The following GRIK1 variants were observed in gnomAD, a reference collection of about 807,000 sequenced individuals.
The protein encoded by GRIK1 is glutamate receptor ionotropic, kainate 1.
Under a neutral mutation model 105.7 loss-of-function variants are expected in GRIK1, and 69 were observed. The ratio of observed to expected loss-of-function variants is 0.65; its 90% CI spans 0.54 to 0.80. The LOEUF (loss-of-function observed/expected upper bound fraction) is 0.80, where lower values mean the gene tolerates loss of function less well. GRIK1 is among the 30% of genes least tolerant of loss of function. The pLI, the probability that GRIK1 is intolerant of heterozygous loss-of-function variation, is 0.00. For synonymous variants in GRIK1, 438 were observed against 431.3 expected, an observed-to-expected ratio of 1.02 and a Z score of -0.19; for missense variants, 1,109 against 1,167.3, an observed-to-expected ratio of 0.95 and a Z score of 0.73.
chr21:29,896,970 A>C (rs1352839393), intron 1 of GRIK1, among the ~76,000 whole-genome samples: 2 of 152,190 alleles, frequency 1.3e-5, no homozygotes, highest in South Asian at 2.1e-4. Flanking sequence ...GGGTTCCAAA[A>C]GGTGAGGCAA....
chr21:29,814,247 A>C (rs1488977363), intron 1 of GRIK1, among the ~76,000 whole-genome samples: 1 of 151,404 alleles, frequency 6.6e-6, no homozygotes, highest in African/African-American at 2.4e-5. Context: ...CACCGTGCCC[A>C]GCTCCCAAGA....
At chr21:29,745,223 G>T (rs775959511) in intron 1 of GRIK1, among the ~76,000 whole-genome samples, 1 of 152,126 alleles carries the variant, frequency 6.6e-6, no homozygotes, top group African/African-American at 2.4e-5. Context: ...AACTGCAACC[G>T]AGATCCTCAG....
At chr21:29,609,142 GATA>G (rs1272853504) in intron 7 of GRIK1, among the ~76,000 whole-genome samples, 59 of 149,648 alleles carry the variant, frequency 3.9e-4, no homozygotes, top group Non-Finnish European at 6.7e-4. Context: ...TAAATAATAA[GATA>G]ATAATATATT....
At chr21:29,553,532 CTTT>C (rs112669361) in intron 16 of GRIK1, 275 of 1,318,586 alleles carry the variant, frequency 2.1e-4, no homozygotes, top group South Asian at 7.6e-4. Flanking sequence ...CTGGGCACAT[CTTT>C]TTTTTTTTTT....
intron 7 of GRIK1, among the ~76,000 whole-genome samples, chr21:29,617,376 G>A (rs1050693465): frequency 6.6e-6 from 1 of 152,148 alleles, no homozygotes; most frequent in Non-Finnish European, 1.5e-5. Flanking sequence ...TTAAGTTCTT[G>A]CCATGGATTG....
intron 3 of GRIK1, among the ~76,000 whole-genome samples, chr21:29,680,877 G>A (rs946838705): frequency 2.0e-5 from 3 of 152,202 alleles, no homozygotes; most frequent in African/African-American, 7.2e-5. Flanking sequence ...GCTCATGCCT[G>A]TAATCCCAGC....
At chr21:29,817,760 A>G (rs2067192739) in intron 1 of GRIK1, among the ~76,000 whole-genome samples, 1 of 152,154 alleles carries the variant, frequency 6.6e-6, no homozygotes, top group African/African-American at 2.4e-5. Flanking sequence ...TTGCTTTTGC[A>G]AATCGCTGGT....
intron 1 of GRIK1, among the ~76,000 whole-genome samples, chr21:29,766,320 A>T (rs774435917): frequency 3.9e-5 from 6 of 152,270 alleles, no homozygotes; most frequent in East Asian, 1.9e-4. Flanking sequence ...TTATCTGAAG[A>T]CATTTTTGAT....
intron 1 of GRIK1, among the ~76,000 whole-genome samples, chr21:29,879,215 G>A (rs897348081): frequency 6.6e-6 from 1 of 152,088 alleles, no homozygotes; most frequent in African/African-American, 2.4e-5. Context: ...AACAATAGCG[G>A]GGAAGCTATT....
intron 15 of GRIK1, 50 bp from the exon 16 acceptor site, chr21:29,555,352 A>T: frequency 6.6e-7 from 1 of 1,507,282 alleles, no homozygotes; most frequent in Non-Finnish European, 9.1e-7. Flanking sequence ...TGAAGAAGAC[A>T]TCCAGAAGTA....
At chr21:29,820,931 C>T (rs1434426728) in intron 1 of GRIK1, among the ~76,000 whole-genome samples, 2 of 151,812 alleles carry the variant, frequency 1.3e-5, no homozygotes, top group Non-Finnish European at 1.5e-5. Flanking sequence ...AGAATAATAA[C>T]CATAATTCCT....
At chr21:29,835,401 T>A (rs402280) in intron 1 of GRIK1, among the ~76,000 whole-genome samples, 91,581 of 151,968 alleles carry the variant, frequency 0.6, 27,879 homozygotes, top group East Asian at 0.76. Flanking sequence ...CTAACATAAC[T>A]GGTCTTGTTT....
chr21:29,714,137 A>G (rs143153701), intron 1 of GRIK1, among the ~76,000 whole-genome samples: 32 of 152,316 alleles, frequency 2.1e-4, no homozygotes, highest in Non-Finnish European at 4.4e-4. Context: ...TTATAATTCC[A>G]TAATATATGT....
At chr21:29,897,826 A>G (rs533285617) in intron 1 of GRIK1, among the ~76,000 whole-genome samples, 1 of 152,368 alleles carries the variant, frequency 6.6e-6, no homozygotes, top group East Asian at 1.9e-4. Flanking sequence ...TGAAGCACAA[A>G]TGATATATGT....
chr21:29,847,459 G>T (rs1452540831), intron 1 of GRIK1, among the ~76,000 whole-genome samples: 2 of 152,120 alleles, frequency 1.3e-5, no homozygotes, highest in Non-Finnish European at 2.9e-5. Flanking sequence ...GCTGGGCGTG[G>T]TAGTGCGAAC....
Position 29,854,508 on chromosome 21 carries a change from A to AG in GRIK1, c.118+84874dup, listed in dbSNP as rs983466832. Among the ~76,000 whole-genome samples, 134 of 152,042 alleles carry AG rather than the reference A, an allele frequency of 8.8e-4. 1 individual carries two copies. The highest frequency in any genetic ancestry group is 2.5e-3 in the African/African-American group (105 of 41,398). ...AAGAAATAGCCTGCCAAAAATAATG[A>AG]GAAAAAAAAACAAGAAATTACTATG... On this transcript the variant is annotated intron_variant, in intron 1 of 17. Coordinates refer to ENST00000327783, the MANE Select transcript of GRIK1 (RefSeq NM_001330994.2).
At chr21:29,591,465 A>C (rs1236860668) in intron 9 of GRIK1, among the ~76,000 whole-genome samples, 1 of 152,142 alleles carries the variant, frequency 6.6e-6, no homozygotes, top group Non-Finnish European at 1.5e-5. Context: ...TTTTTCATTT[A>C]GTAAACTCAT....
chr21:29,600,079 C>G (rs1485034253), intron 7 of GRIK1, among the ~76,000 whole-genome samples: 1 of 152,080 alleles, frequency 6.6e-6, no homozygotes, highest in Non-Finnish European at 1.5e-5. Flanking sequence ...AGCAAGACTC[C>G]GTCTAAAACA....
chr21:29,742,518 A>G (rs2064955615), intron 1 of GRIK1, among the ~76,000 whole-genome samples: 1 of 152,256 alleles, frequency 6.6e-6, no homozygotes, highest in African/African-American at 2.4e-5. Flanking sequence ...CTCACGGAAC[A>G]TTAATCAATG....
Sources: allele counts gnomAD v4.1 joint callset (sites outside exome capture counted in the v4.1 genomes callset), GRCh38; gene constraint gnomAD v4.1.1; transcripts MANE v1.5; gene names NCBI Gene and HGNC (gene_info 2026-07-23, HGNC 2026-07-21).